The following CUEDC1 variants were observed in gnomAD, a reference collection of about 807,000 sequenced individuals.
CUEDC1 encodes the protein CUE domain containing 1.
CUEDC1 carries 30 observed loss-of-function variants against 43.7 expected under a neutral mutation model. The observed-to-expected ratio is 0.69, with a 90% CI of 0.51 to 0.93. The LOEUF (loss-of-function observed/expected upper bound fraction) is 0.93. Ranked by LOEUF, CUEDC1 falls within the 40% of genes least tolerant of loss-of-function variation. The pLI, the probability that CUEDC1 is intolerant of heterozygous loss-of-function variation, is 0.00. For synonymous variants in CUEDC1, 223 were observed against 223.6 expected (o/e 1.00, Z 0.02); for missense variants, 486 against 549.0 (o/e 0.89, Z 1.15).
At chr17:57,887,694 GGGGTT>G (rs2074310062) in intron 1 of CUEDC1, among the ~76,000 whole-genome samples, 1 of 96,254 alleles carries the variant, frequency 1.0e-5, no homozygotes, top group Admixed American at 1.5e-4. Context: ...TAATACAGAT[GGGGTT>G]TTGCCATGTT....
intron 2 of CUEDC1, among the ~76,000 whole-genome samples, chr17:57,880,303 C>T (rs1412072706): frequency 1.3e-5 from 2 of 152,206 alleles, no homozygotes; most frequent in Non-Finnish European, 2.9e-5. Context: ...CTCGAACAAC[C>T]TGGCGCTGTA....
chr17:57,943,738 A>G (rs1395692938), intron 1 of CUEDC1, among the ~76,000 whole-genome samples: 2 of 152,094 alleles, frequency 1.3e-5, no homozygotes, highest in East Asian at 1.9e-4. Context: ...ATCCTTCTCT[A>G]TCTCTGCCAG....
rs988064223 is a variant in CUEDC1 at position 57,944,166 on chromosome 17, G to A, written c.-316+11059C>T. The stretch of plus-strand genomic sequence containing the variant: ...GCTTACTGGCATATGCAGTAAGCAT[G>A]CAATAAATGTTAGTTATTATTATTT... On this transcript the variant is annotated intron_variant, in intron 1 of 10. Transcript: ENST00000577830. Among the ~76,000 whole-genome samples the A allele has an allele frequency of 6.0e-5, 9 of 150,798 alleles. 1 individual carries two copies. Among genetic ancestry groups the A allele is most frequent in the Admixed American group, 5.9e-4 (9 of 15,162 alleles).
intron 8 of CUEDC1, among the ~76,000 whole-genome samples, chr17:57,867,805 A>G (rs2073981672): frequency 1.3e-5 from 2 of 152,224 alleles, no homozygotes; most frequent in South Asian, 4.1e-4. Context: ...CACCAGTTCA[A>G]CTAGAGAAAT....
At chr17:57,940,330 A>G (rs1444678586) in intron 1 of CUEDC1, among the ~76,000 whole-genome samples, 9 of 152,050 alleles carry the variant, frequency 5.9e-5, no homozygotes, top group Admixed American at 5.9e-4. Context: ...TGGAAACAAG[A>G]AATTCAAAAT....
chr17:57,887,479 A>G (rs1430846449), intron 1 of CUEDC1, among the ~76,000 whole-genome samples: 1 of 150,274 alleles, frequency 6.7e-6, no homozygotes, highest in Non-Finnish European at 1.5e-5. Context: ...TGGAGTCACA[A>G]TCTTAACAGC....
intron 1 of CUEDC1, among the ~76,000 whole-genome samples, chr17:57,929,111 G>C (rs930441794): frequency 1.3e-5 from 2 of 152,126 alleles, no homozygotes; most frequent in African/African-American, 4.8e-5. Context: ...CTCATTTCCA[G>C]ATGCTCCAAG....
At chr17:57,952,522 C>A (rs1361192553) in intron 1 of CUEDC1, among the ~76,000 whole-genome samples, 2 of 152,120 alleles carry the variant, frequency 1.3e-5, no homozygotes, top group Non-Finnish European at 2.9e-5. Context: ...CCACCGCATC[C>A]GGCCTCCAAT....
intron 1 of CUEDC1, among the ~76,000 whole-genome samples, chr17:57,943,736 CTA>C (rs1389549016): frequency 6.6e-6 from 1 of 152,166 alleles, no homozygotes; most frequent in Non-Finnish European, 1.5e-5. Flanking sequence ...AAATCCTTCT[CTA>C]TCTCTGCCAG....
intron 1 of CUEDC1, among the ~76,000 whole-genome samples, chr17:57,939,326 A>T (rs1338586709): frequency 6.6e-6 from 1 of 151,472 alleles, no homozygotes; most frequent in African/African-American, 2.4e-5. Flanking sequence ...GTGCAGTGGA[A>T]CAATCCCGGC....
intron 6 of CUEDC1, among the ~76,000 whole-genome samples, chr17:57,870,682 T>C (rs980868071): frequency 1.3e-5 from 1 of 74,414 alleles, no homozygotes; most frequent in Non-Finnish European, 3.2e-5. Context: ...TTTTCTTCTT[T>C]TTTTTTTTTT....
In CUEDC1 at chr17:57,868,384, G is replaced by A. The variant is rs953004070; in HGVS notation, c.941-141C>T. ...GGCAGGCAAGGGTGGGAGCTGAGGA[G>A]GGAGAGATGACAGGAATCGCAGACC... On this transcript the variant is annotated intron_variant, in intron 7 of 10. Coordinates refer to ENST00000577830, the MANE Select transcript of CUEDC1 (RefSeq NM_001271875.2). 119 of 706,260 alleles carry A rather than the reference G, an allele frequency of 1.7e-4. 2 individuals carry two copies. In the South Asian group the frequency reaches 1.8e-3, roughly 11 times the overall value. 43.7% of individuals were successfully genotyped at this position (706,260 alleles called of 1,614,324 possible). A position where few individuals can be genotyped will look rare whatever the true frequency, so the allele number is the denominator to read the frequency against.
At chr17:57,878,031 C>T (rs1039138032) in intron 3 of CUEDC1, among the ~76,000 whole-genome samples, 1 of 152,162 alleles carries the variant, frequency 6.6e-6, no homozygotes, top group Non-Finnish European at 1.5e-5. Context: ...CTGCCAGCTC[C>T]TGGTACCACT....
At chr17:57,929,306 G>A (rs1228840401) in intron 1 of CUEDC1, among the ~76,000 whole-genome samples, 1 of 152,130 alleles carries the variant, frequency 6.6e-6, no homozygotes, top group Non-Finnish European at 1.5e-5. Context: ...TTAAGCCCCA[G>A]AGAGGTTAAA....
At chr17:57,936,220 AG>A (rs1567723656) in intron 1 of CUEDC1, among the ~76,000 whole-genome samples, 1 of 152,148 alleles carries the variant, frequency 6.6e-6, no homozygotes, top group Non-Finnish European at 1.5e-5. Context: ...ATGGCAGGAC[AG>A]TGTGGACTCC....
intron 1 of CUEDC1, among the ~76,000 whole-genome samples, chr17:57,952,476 C>A (rs139033612): frequency 6.6e-6 from 1 of 152,260 alleles, no homozygotes; most frequent in Non-Finnish European, 1.5e-5. Flanking sequence ...ATCCACCCCC[C>A]TCGGCCTCCC....
At position 57,872,717 on chromosome 17, in the gene CUEDC1, C is replaced by CCTCGTTCTGCAGGAAAAGCGCGATCCT. The variant is rs1279103909; in HGVS notation, c.703_729dup (p.Arg235_Glu243dup). Reference sequence around the variant, plus strand: ...TTCCGTTGCAGCTCCTTCATGAACTCCTCGTTCTGCAGGAAAAGCGCGATC... The same window carrying CCTCGTTCTGCAGGAAAAGCGCGATCCT: ...TTCCGTTGCAGCTCCTTCATGAACTCCTCGTTCTGCAGGAAAAGCGCGATCCTCTCGTTCTGCAGGAAAAGCGCGATC... On this transcript the variant is annotated inframe_insertion, in exon 5 of 11. Transcript: ENST00000577830. 2 of 1,614,190 alleles carry CCTCGTTCTGCAGGAAAAGCGCGATCCT rather than the reference C, an allele frequency of 1.2e-6. No individual in the cohort carries two copies. The highest frequency in any genetic ancestry group is 1.7e-6 in the Non-Finnish European group (2 of 1,180,030).
At chr17:57,875,511 G>T (rs2074108952) in intron 3 of CUEDC1, among the ~76,000 whole-genome samples, 1 of 152,186 alleles carries the variant, frequency 6.6e-6, no homozygotes, top group Admixed American at 6.5e-5. Flanking sequence ...GCGTGAGCCA[G>T]GGCACAGGCA....
At chr17:57,893,834 G>A (rs376426839) in intron 1 of CUEDC1, among the ~76,000 whole-genome samples, 51 of 152,332 alleles carry the variant, frequency 3.3e-4, no homozygotes, top group African/African-American at 1.0e-3. Context: ...AGTGGCTCAC[G>A]CCTGTAATCC....
Sources: allele counts gnomAD v4.1 joint callset (sites outside exome capture counted in the v4.1 genomes callset), GRCh38; gene constraint gnomAD v4.1.1; transcripts MANE v1.5; gene names NCBI Gene and HGNC (gene_info 2026-07-23, HGNC 2026-07-21).